ANKRD36C: variants seen among roughly 807,000 people sequenced by gnomAD.
ANKRD36C encodes the protein ankyrin repeat domain-containing protein 36C.
ANKRD36C carries 61 observed loss-of-function variants against 276.4 expected under a neutral mutation model. That is an observed-to-expected ratio of 0.22 (90% CI 0.18 to 0.27). The LOEUF is 0.27. Ranked by LOEUF, ANKRD36C falls within the 10% of genes least tolerant of loss-of-function variation. ANKRD36C has a pLI of 1.00. For missense variants in ANKRD36C, 1,447 were observed against 2,032.3 expected, an observed-to-expected ratio of 0.71 and a Z score of 5.54; for synonymous variants, 483 against 680.1, an observed-to-expected ratio of 0.71 and a Z score of 4.51.
intron 47 of ANKRD36C, 47 bp downstream of exon 67, chr2:95,889,919 T>C (rs1676297032): frequency 3.1e-6 from 5 of 1,608,978 alleles, no homozygotes; most frequent in Non-Finnish European, 4.2e-6. Context: ...GTATGTTTCA[T>C]AGACTATACA....
At chr2:95,980,120 C>A (rs1284740537) in intron 5 of ANKRD36C, among the ~76,000 whole-genome samples, 1 of 152,052 alleles carries the variant, frequency 6.6e-6, no homozygotes, top group Non-Finnish European at 1.5e-5. Context: ...AAAGCAACAA[C>A]AGAATCAATG....
chr2:95,986,685 T>C (rs2104544543), intron 3 of ANKRD36C, 66 bp downstream of exon 3: 1 of 1,385,144 alleles, frequency 7.2e-7, no homozygotes, highest in Middle Eastern at 2.7e-4. Flanking sequence ...AATTGACCCT[T>C]ACATGTGTCA....
exon 4 of ANKRD36C, chr2:95,982,282 A>G (rs1164290648): frequency 1.3e-6 from 2 of 1,549,964 alleles, no homozygotes; most frequent in South Asian, 1.2e-5. Context: ...CGGCATTTAT[A>G]TTTGCTTTTT....
chr2:95,916,013 T>C (rs778650425), exon 38 of ANKRD36C: 6 of 1,562,846 alleles, frequency 3.8e-6, no homozygotes, highest in Admixed American at 1.9e-5. Flanking sequence ...TTTTTTTCTC[T>C]GGTTATATTC....
At chr2:95,926,033 T>G (rs1156808129) in intron 28 of ANKRD36C, among the ~76,000 whole-genome samples, 2 of 151,586 alleles carry the variant, frequency 1.3e-5, no homozygotes, top group Non-Finnish European at 3.0e-5. Flanking sequence ...TTTAGTAGAA[T>G]GTACACTTCA....
intron 54 of ANKRD36C, among the ~76,000 whole-genome samples, chr2:95,883,157 G>C (rs1311955724): frequency 1.3e-5 from 2 of 151,844 alleles, no homozygotes; most frequent in Non-Finnish European, 2.9e-5. Context: ...ATCCACTCAT[G>C]GCAACAAAGT....
intron 61 of ANKRD36C, 48 bp downstream of exon 81, chr2:95,859,813 T>G: frequency 2.6e-6 from 4 of 1,540,612 alleles, no homozygotes; most frequent in Non-Finnish European, 3.5e-6. Context: ...TTATACGTCT[T>G]TAATATAAAA....
chr2:95,853,531 A>G, intron 64 of ANKRD36C, 178 bp downstream of exon 84: 1 of 508,520 alleles, frequency 2.0e-6, no homozygotes. Context: ...TAAAATCTTA[A>G]TAAAATTAAT....
Position 95,907,734 on chromosome 2 carries a change from A to C in ANKRD36C, c.2653+4510T>G, listed in dbSNP as rs1222078817. On this transcript the variant is annotated intron_variant, in intron 42 of 66. Transcript: ENST00000456556. Reference sequence around the variant, plus strand: ...GTTTCATTAAATAGCTATTTTATCCAAGAGGTAGCTCCTTGAACAAGGAAA... The same window carrying C: ...GTTTCATTAAATAGCTATTTTATCCCAGAGGTAGCTCCTTGAACAAGGAAA... Among the ~76,000 whole-genome samples the C allele has an allele frequency of 7.4e-5, 11 of 148,726 alleles. 1 individual carries two copies. The highest frequency in any genetic ancestry group is 7.3e-4 in the Admixed American group (11 of 15,022).
At chr2:95,965,222 A>T (rs1678563583) in intron 6 of ANKRD36C, among the ~76,000 whole-genome samples, 1 of 152,034 alleles carries the variant, frequency 6.6e-6, no homozygotes. Context: ...ATACACACAC[A>T]CACACAAACA....
intron 40 of ANKRD36C, 61 bp downstream of exon 42, chr2:95,914,047 G>C (rs966028969): frequency 6.3e-5 from 92 of 1,467,556 alleles, no homozygotes; most frequent in African/African-American, 4.2e-4. Flanking sequence ...GATTTCTTCA[G>C]GGAAGAGAAT....
chr2:95,908,903 T>C (rs1335197769), intron 42 of ANKRD36C, among the ~76,000 whole-genome samples: 4 of 151,320 alleles, frequency 2.6e-5, no homozygotes, highest in African/African-American at 9.7e-5. Flanking sequence ...AGTCTTAGAA[T>C]TTCAAACATG....
intron 60 of ANKRD36C, among the ~76,000 whole-genome samples, chr2:95,866,528 A>G (rs1010136790): frequency 3.3e-5 from 5 of 152,124 alleles, no homozygotes; most frequent in Admixed American, 6.5e-5. Context: ...ACACATGGAA[A>G]GATGCTCAAC....
At chr2:95,853,128 AGT>A (rs902537281) in intron 64 of ANKRD36C, 2 of 153,036 alleles carry the variant, frequency 1.3e-5, no homozygotes, top group African/African-American at 4.9e-5. Context: ...ATAGAGACAG[AGT>A]GTGCTCTCTG....
At chr2:95,908,429 C>T (rs1676809014) in intron 42 of ANKRD36C, 73 bp downstream of exon 48, 9 of 1,293,806 alleles carry the variant, frequency 7.0e-6, no homozygotes, top group Non-Finnish European at 9.5e-6. Flanking sequence ...GAGCCCCCCG[C>T]TGATTTATTC....
At chr2:95,865,344 T>C (rs1675663564) in intron 60 of ANKRD36C, among the ~76,000 whole-genome samples, 1 of 152,066 alleles carries the variant, frequency 6.6e-6, no homozygotes, top group Non-Finnish European at 1.5e-5. Flanking sequence ...CTTTATTTTA[T>C]TGATAAGCTG....
intron 8 of ANKRD36C, 36 bp from the exon 9 acceptor site, chr2:95,960,703 T>A: frequency 1.2e-6 from 1 of 832,214 alleles, no homozygotes; most frequent in South Asian, 1.8e-5. Context: ...CACTCATATG[T>A]AAATATGATA....
At chr2:95,894,569 A>G (rs1676479988) in intron 44 of ANKRD36C, among the ~76,000 whole-genome samples, 1 of 151,430 alleles carries the variant, frequency 6.6e-6, no homozygotes, top group Non-Finnish European at 1.5e-5. Context: ...TTTTGTCTCT[A>G]AAAGAGCCTT....
At chr2:95,912,475 T>C in intron 40 of ANKRD36C, 40 bp from the exon 43 acceptor site, 2 of 1,603,876 alleles carry the variant, frequency 1.2e-6, no homozygotes, top group Non-Finnish European at 1.7e-6. Flanking sequence ...CACACGTAAA[T>C]ATGATAAAGT....
Sources: allele counts gnomAD v4.1 joint callset (sites outside exome capture counted in the v4.1 genomes callset), GRCh38; gene constraint gnomAD v4.1.1; transcripts MANE v1.5; gene names NCBI Gene and HGNC (gene_info 2026-07-23, HGNC 2026-07-21).